Variants in WASHC2A observed in about 807,000 individuals in gnomAD.
WASHC2A encodes the protein WASH complex subunit FAM21A.
WASHC2A carries 82 observed loss-of-function variants against 140.3 expected under a neutral mutation model. The ratio of observed to expected loss-of-function variants is 0.58; its 90% confidence interval spans 0.49 to 0.70. The LOEUF is 0.70. WASHC2A is among the 30% of genes least tolerant of loss of function. WASHC2A has a pLI of 0.00. For synonymous variants in WASHC2A, 340 were observed against 560.8 expected (o/e 0.61, Z 5.56); for missense variants, 985 against 1,521.8 (o/e 0.65, Z 5.87).
chr10:50,127,959 C>A lies in WASHC2A; in HGVS notation c.3087+164C>A, dbSNP rs545487967. Among the ~76,000 whole-genome samples, 12 of 152,254 alleles carry A rather than the reference C, an allele frequency of 7.9e-5. No individual in the cohort carries two copies. In the East Asian group the frequency reaches 2.1e-3, roughly 27 times the overall value. On this transcript the variant is annotated intron_variant, in intron 28 of 30. Coordinates refer to ENST00000282633, the MANE Select transcript of WASHC2A (RefSeq NM_001005751.3). ...TCCCCACTCCATTCTCCCCACCCCC[C>A]TCATCCTGCACCTGCTTTTCCGTGG...
At chr10:50,129,249 T>C in intron 28 of WASHC2A, 170 bp from the exon 29 acceptor site, 13 of 1,196,704 alleles carry the variant, frequency 1.1e-5, no homozygotes, top group Non-Finnish European at 1.5e-5. Flanking sequence ...GCTATTAAAC[T>C]CCTTCCTTGG....
chr10:50,123,895 C>T (rs1398261518), intron 23 of WASHC2A, among the ~76,000 whole-genome samples: 1 of 151,464 alleles, frequency 6.6e-6, no homozygotes. Context: ...TAAATGAGAG[C>T]TGCACACAGT....
chr10:50,107,528 T>G (rs79543539), intron 19 of WASHC2A, among the ~76,000 whole-genome samples: 11,915 of 151,886 alleles, frequency 0.078, 963 homozygotes, highest in African/African-American at 0.21. Flanking sequence ...TGTAGGCAAG[T>G]TAATAGGGGG....
chr10:50,115,944 C>T (rs1443766827), intron 21 of WASHC2A, among the ~76,000 whole-genome samples: 2 of 152,018 alleles, frequency 1.3e-5, no homozygotes, highest in Admixed American at 6.5e-5. Context: ...GGTGGAACCC[C>T]ATCTCTATTA....
chr10:50,109,800 C>T (rs1182535138), intron 19 of WASHC2A, among the ~76,000 whole-genome samples: 9 of 152,162 alleles, frequency 5.9e-5, no homozygotes, highest in South Asian at 2.1e-4. Flanking sequence ...GACAGAGTCT[C>T]GCTCTGTCCC....
At chr10:50,107,445 A>G (rs1841889570) in intron 19 of WASHC2A, among the ~76,000 whole-genome samples, 1 of 151,090 alleles carries the variant, frequency 6.6e-6, no homozygotes, top group African/African-American at 2.4e-5. Context: ...AAGACTTTAA[A>G]TATGATGATA....
Position 50,133,465 on chromosome 10 carries a change from C to A in WASHC2A, c.*520C>A, listed in dbSNP as rs1342411331. 1.1e-5 allele frequency: 5 copies of A among 469,862 alleles called. No homozygotes were observed. The highest frequency in any genetic ancestry group is 7.8e-5 in the South Asian group (5 of 64,494). 29.1% of individuals were successfully genotyped at this position (469,862 alleles called of 1,614,324 possible). A position where few individuals can be genotyped will look rare whatever the true frequency, so the allele number is the denominator to read the frequency against. The stretch of plus-strand genomic sequence containing the variant: ...AAAGTTTGGCAAACTGTGGCCCCCC[C>A]ACTGTCATATTTTGTTAATAAAATT... On this transcript the variant is annotated 3_prime_UTR_variant, in exon 31 of 31. Transcript: ENST00000282633.
chr10:50,095,852 C>T (rs1245701272), intron 15 of WASHC2A, 74 bp downstream of exon 15: 1 of 1,547,476 alleles, frequency 6.5e-7, no homozygotes, highest in Admixed American at 2.0e-5. Context: ...ATAAGCTCAC[C>T]TAGTTCTGTA....
intron 16 of WASHC2A, among the ~76,000 whole-genome samples, chr10:50,098,425 A>T (rs368385299): frequency 7.2e-6 from 1 of 139,786 alleles, no homozygotes; most frequent in Admixed American, 7.7e-5. Context: ...TAGATCCCTC[A>T]CATGCACAGT....
rs1208249780 is a variant in WASHC2A, at chr10:50,127,326, C to T, written c.2874+104C>T. 40 of 1,594,026 alleles carry T rather than the reference C, an allele frequency of 2.5e-5. 1 individual carries two copies. Among genetic ancestry groups the T allele is most frequent in the South Asian group, 7.7e-5 (7 of 90,450 alleles). On this transcript the variant is annotated intron_variant, in intron 27 of 30. Coordinates refer to ENST00000282633, the MANE Select transcript of WASHC2A (RefSeq NM_001005751.3). ...GCTGCCAAGCATCTTCTCATCTCTT[C>T]CCCCGCCTCCCCTCCCCTGCACCTA... is the stretch of plus-strand genomic sequence containing the variant.
At chr10:50,125,696 A>C (rs1410697045) in intron 25 of WASHC2A, among the ~76,000 whole-genome samples, 1 of 152,212 alleles carries the variant, frequency 6.6e-6, no homozygotes, top group Non-Finnish European at 1.5e-5. Flanking sequence ...ACTGTACTGC[A>C]CATCTGTGTG....
Position 50,132,948 on chromosome 10 carries a change from C to T in WASHC2A, c.*3C>T, listed in dbSNP as rs1844115523. ...TGAATGCCTTTGGAGGCCAGTAGAG[C>T]ACACAGGGTATCCACATGTTACCCT... is the stretch of plus-strand genomic sequence containing the variant. On this transcript the variant is annotated 3_prime_UTR_variant, in exon 31 of 31. Transcript: ENST00000282633. 3.1e-6 allele frequency: 5 copies of T among 1,611,898 alleles called. No homozygotes were observed. In the South Asian group the frequency reaches 5.5e-5, roughly 18 times the overall value.
At position 50,090,849 on chromosome 10, in the gene WASHC2A, A is replaced by C; in HGVS notation, c.806A>C (p.Glu269Ala). 6.2e-7 allele frequency: 1 copy of C among 1,611,604 alleles called. No homozygotes were observed. The change falls in exon 9 of 31, where the codon GAG becomes GCG. Residue 269 changes from glutamate to alanine, a missense_variant. By Grantham distance (107) the Glu-to-Ala change is moderately radical. Coordinates refer to ENST00000282633, the MANE Select transcript of WASHC2A (RefSeq NM_001005751.3). Reference protein sequence around the residue: ...CDLFADSEKEEEDIEDIEENT... With the variant: ...CDLFADSEKEAEDIEDIEENT... ...CTTTTCGCTGACTCTGAGAAGGAGG[A>C]GGAAGATATTGAGGACATTGAAGAA...
intron 15 of WASHC2A, among the ~76,000 whole-genome samples, chr10:50,097,348 C>A (rs1409034552): frequency 1.3e-5 from 2 of 151,382 alleles, no homozygotes; most frequent in Admixed American, 6.6e-5. Flanking sequence ...GACTTGGTGG[C>A]CCTCTTAAAT....
chr10:50,078,336 A>ATCAT (rs1247246583), intron 3 of WASHC2A, among the ~76,000 whole-genome samples: 1 of 152,254 alleles, frequency 6.6e-6, no homozygotes, highest in East Asian at 1.9e-4. Flanking sequence ...AGAATACTGT[A>ATCAT]TCATTGCCCA....
Position 50,129,049 on chromosome 10 carries a change from C to T in WASHC2A, c.3088-370C>T, listed in dbSNP as rs549142641. ...ATTCTTTCTTGTTTTGAAAGATACC[C>T]ACGTTTCTATTGAGGGTAGAGTAGG... On this transcript the variant is annotated intron_variant, in intron 28 of 30. Transcript: ENST00000282633. Among the ~76,000 whole-genome samples the T allele has an allele frequency of 2.3e-4, 35 of 152,174 alleles. No individual in the cohort carries two copies. In the East Asian group the frequency reaches 6.8e-3, roughly 29 times the overall value.
rs1445868438 is a variant in WASHC2A at position 50,129,402 on chromosome 10, T to G, written c.3088-17T>G. On this transcript the variant is annotated splice_polypyrimidine_tract_variant and intron_variant, in intron 28 of 30. Transcript: ENST00000282633. ...TATTTTATCGTCAGATCAATGTGTG[T>G]TTTTTTGCCATTGCAGAGCCGTGTC... The G allele has an allele frequency of 1.9e-6, 3 of 1,611,720 alleles. No homozygotes were observed. Among genetic ancestry groups the G allele is most frequent in the Non-Finnish European group, 2.5e-6 (3 of 1,179,724 alleles).
At position 50,133,155 on chromosome 10, in the gene WASHC2A, G is replaced by A; in HGVS notation, c.*210G>A. ...ATAAATATTTCACAGTGGTTGGTTT[G>A]TTTTGTTTTTAAACCACAGTTTGAT... On this transcript the variant is annotated 3_prime_UTR_variant, in exon 31 of 31. Transcript: ENST00000282633. 1.4e-6 allele frequency: 1 copy of A among 695,332 alleles called. No individual in the cohort carries two copies. Among genetic ancestry groups the A allele is most frequent in the Non-Finnish European group, 2.4e-6 (1 of 410,714 alleles). 43.1% of individuals were successfully genotyped at this position (695,332 alleles called of 1,614,324 possible). A position where few individuals can be genotyped will look rare whatever the true frequency, so the allele number is the denominator to read the frequency against.
chr10:50,126,607 C>G (rs1843454580), intron 26 of WASHC2A: 1 of 276,980 alleles, frequency 3.6e-6, no homozygotes, highest in South Asian at 4.1e-5. Flanking sequence ...AGCAGTCTTC[C>G]CAGAACGCTG....
Sources: gnomAD v4.1 joint callset for allele counts (sites outside exome capture counted in the v4.1 genomes callset) on GRCh38, gnomAD v4.1.1 for gene constraint, MANE v1.5 for transcripts, NCBI Gene and HGNC (gene_info 2026-07-23, HGNC 2026-07-21) for gene names.